Variants in HECTD2 observed in about 807,000 individuals in gnomAD.
The protein encoded by HECTD2 is HECT domain E3 ubiquitin protein ligase 2.
Under a neutral mutation model 103.2 loss-of-function variants are expected in HECTD2, and 35 were observed. The observed-to-expected ratio is 0.34, with a 90% CI of 0.26 to 0.45. HECTD2 has a LOEUF of 0.45. Among genes scored for constraint, HECTD2 ranks in the 20% least tolerant of loss-of-function variants. The pLI is 1.00. For synonymous variants in HECTD2, 281 were observed against 329.9 expected, an observed-to-expected ratio of 0.85 and a Z score of 1.61; for missense variants, 596 against 937.4, an observed-to-expected ratio of 0.64 and a Z score of 4.76.
At chr10:91,475,002 G>A (rs1002787072) in intron 5 of HECTD2, among the ~76,000 whole-genome samples, 4 of 152,164 alleles carry the variant, frequency 2.6e-5, no homozygotes, top group African/African-American at 9.7e-5. Flanking sequence ...TCAGAAATAA[G>A]GCTTGTGAGA....
intron 20 of HECTD2, among the ~76,000 whole-genome samples, chr10:91,502,216 T>C (rs1846929561): frequency 6.6e-6 from 1 of 152,168 alleles, no homozygotes; most frequent in Admixed American, 6.5e-5. Flanking sequence ...CCCCAGGCTA[T>C]CTACCAGTTT....
rs1842860644 is a variant in HECTD2, at chr10:91,410,354, C to G, written c.-85C>G. The G allele has an allele frequency of 2.3e-6, 2 of 880,644 alleles. No individual in the cohort carries two copies. Among genetic ancestry groups the G allele is most frequent in the Admixed American group, 4.8e-5 (1 of 20,714 alleles). The allele number at this position is 880,644 out of a possible 1,614,324, so 54.6% of individuals were successfully genotyped here. On this transcript the variant is annotated 5_prime_UTR_variant, in exon 1 of 21. Transcript: ENST00000298068. Reference sequence around the variant, plus strand: ...TAGAAGCGGCAGCCCAGAGCCCTCTCGCGGCCGCGGCGGCAGCAGCAGCGC... The same window carrying G: ...TAGAAGCGGCAGCCCAGAGCCCTCTGGCGGCCGCGGCGGCAGCAGCAGCGC...
chr10:91,496,321 A>T lies in HECTD2; in HGVS notation c.1629A>T (p.Ile543=). ...CCATCATTCCTAGTGATCAAAATAT[A>T]CCAGTAGGCATCTGCAATGTTACCG... The part of the protein sequence containing the change: ...SPPIIPSDQN[I]PVGICNVTVD... The change falls in exon 15 of 21, where the codon ATA becomes ATT. Residue 543 remains isoleucine (I), a synonymous_variant. Coordinates refer to ENST00000298068, the MANE Select transcript of HECTD2 (RefSeq NM_182765.6). The T allele has an allele frequency of 6.2e-7, 1 of 1,612,732 alleles. No homozygotes were observed. Among genetic ancestry groups the T allele is most frequent in the Non-Finnish European group, 8.5e-7 (1 of 1,178,872 alleles).
rs1845303677 is a variant in HECTD2 at position 91,460,579 on chromosome 10, A to G, written c.407+14A>G. The G allele has an allele frequency of 1.4e-5, 22 of 1,601,738 alleles. No individual in the cohort carries two copies. Among genetic ancestry groups the G allele is most frequent in the Non-Finnish European group, 1.9e-5 (22 of 1,175,514 alleles). The stretch of plus-strand genomic sequence containing the variant: ...GAAAGACTTTCAGTAAGTTTCAGCT[A>G]TTATATGTAAATGTATAGTCATCTG... On this transcript the variant is annotated intron_variant, in intron 3 of 20. Coordinates refer to ENST00000298068, the MANE Select transcript of HECTD2 (RefSeq NM_182765.6).
chr10:91,487,363 C>G lies in HECTD2; in HGVS notation c.1095-319C>G. Reference sequence around the variant, plus strand: ...TAACCAACACTTCTCCCTCCTGGTTCTGGTATTGGCCATGTTGTTCACAGG... The same window carrying G: ...TAACCAACACTTCTCCCTCCTGGTTGTGGTATTGGCCATGTTGTTCACAGG... On this transcript the variant is annotated intron_variant, in intron 10 of 20. Coordinates refer to ENST00000298068, the MANE Select transcript of HECTD2 (RefSeq NM_182765.6). This position sits in a 1 kb window ranked among gnomAD's most constrained non-coding sequence, Gnocchi z 4.1. The G allele has an allele frequency of 3.4e-6, 1 of 290,854 alleles. No individual in the cohort carries two copies. Among genetic ancestry groups the G allele is most frequent in the Non-Finnish European group, 6.7e-6 (1 of 148,222 alleles). 18.0% of individuals were successfully genotyped at this position (290,854 alleles called of 1,614,324 possible). A position where few individuals can be genotyped will look rare whatever the true frequency, so the allele number is the denominator to read the frequency against.
chr10:91,483,720 G>A (rs1421813237), intron 8 of HECTD2, among the ~76,000 whole-genome samples: 2 of 151,812 alleles, frequency 1.3e-5, no homozygotes, highest in Non-Finnish European at 2.9e-5. Flanking sequence ...TTGCTTCAAG[G>A]GGAAATACAG....
At position 91,513,184 on chromosome 10, in the gene HECTD2, T is replaced by C. The variant is rs1396730252; in HGVS notation, c.*800T>C. 1.3e-5 allele frequency: 2 copies of C among 152,652 alleles called. No homozygotes were observed. The highest frequency in any genetic ancestry group is 2.9e-5 in the Non-Finnish European group (2 of 68,028). 9.5% of individuals were successfully genotyped at this position (152,652 alleles called of 1,614,324 possible). A position where few individuals can be genotyped will look rare whatever the true frequency, so the allele number is the denominator to read the frequency against. On this transcript the variant is annotated 3_prime_UTR_variant, in exon 21 of 21. Transcript: ENST00000298068. ...CTCTGTAATATTTGTATAATGATCA[T>C]TTCTTCTTAAGGCTCAAGATATTAG... is the stretch of plus-strand genomic sequence containing the variant.
chr10:91,505,449 C>CA (rs1055768990), intron 20 of HECTD2, among the ~76,000 whole-genome samples: 12 of 151,122 alleles, frequency 7.9e-5, no homozygotes, highest in Admixed American at 1.3e-4. Context: ...AAATGGAAAA[C>CA]AAAAAAAGGC....
chr10:91,437,624 T>TC, intron 2 of HECTD2, among the ~76,000 whole-genome samples: 1 of 151,076 alleles, frequency 6.6e-6, no homozygotes, highest in Non-Finnish European at 1.5e-5. Flanking sequence ...TTGTTCTTTT[T>TC]TTTTTTTTTT....
rs151024853 is a variant in HECTD2, at chr10:91,419,447, A to G, written c.139-5834A>G. Among the ~76,000 whole-genome samples, 226 of 152,306 alleles carry G rather than the reference A, an allele frequency of 1.5e-3. 1 individual carries two copies. Among genetic ancestry groups the G allele is most frequent in the African/African-American group, 5.1e-3 (211 of 41,570 alleles). ...TTGTCTGTTTAAATATCTTGAGATT[A>G]TTTTATATTATAATCTTACATATAA... On this transcript the variant is annotated intron_variant, in intron 1 of 20. Coordinates refer to ENST00000298068, the MANE Select transcript of HECTD2 (RefSeq NM_182765.6).
chr10:91,438,722 C>T (rs949338194), intron 2 of HECTD2, among the ~76,000 whole-genome samples: 4 of 152,208 alleles, frequency 2.6e-5, no homozygotes, highest in African/African-American at 9.6e-5. Context: ...TGTTTCTCCA[C>T]ATCCTCTCCA....
chr10:91,417,913 T>C (rs1389415092), intron 1 of HECTD2, among the ~76,000 whole-genome samples: 4 of 152,226 alleles, frequency 2.6e-5, no homozygotes, highest in Non-Finnish European at 5.9e-5. Context: ...ATGGCATTTC[T>C]AGTTCTAGAT....
intron 2 of HECTD2, among the ~76,000 whole-genome samples, chr10:91,454,511 C>T (rs886760696): frequency 5.3e-5 from 8 of 151,762 alleles, no homozygotes; most frequent in African/African-American, 1.2e-4. Context: ...TGGGATACTG[C>T]TACAGCAGTG....
At chr10:91,472,998 A>G (rs573934680) in intron 5 of HECTD2, among the ~76,000 whole-genome samples, 1 of 152,214 alleles carries the variant, frequency 6.6e-6, no homozygotes, top group Non-Finnish European at 1.5e-5. Context: ...AGAGGTTAGA[A>G]TAAGAAAGAC....
intron 20 of HECTD2, among the ~76,000 whole-genome samples, chr10:91,506,129 T>G (rs1469064865): frequency 2.0e-5 from 3 of 150,372 alleles, no homozygotes; most frequent in African/African-American, 4.9e-5. Context: ...AAGCAGTGTG[T>G]AGAGGGAAAT....
chr10:91,497,126 A>ATTTT (rs56923120), intron 15 of HECTD2, among the ~76,000 whole-genome samples: 8 of 97,366 alleles, frequency 8.2e-5, no homozygotes, highest in Non-Finnish European at 1.5e-4. Flanking sequence ...TGCCCGGCAA[A>ATTTT]TTTTTTTTTT....
chr10:91,490,352 G>A (rs949411105), intron 11 of HECTD2, among the ~76,000 whole-genome samples: 2 of 151,790 alleles, frequency 1.3e-5, no homozygotes, highest in Admixed American at 1.3e-4. Context: ...GATAAACATT[G>A]TACTGTATAA....
Position 91,487,400 on chromosome 10 carries a change from A to G in HECTD2, c.1095-282A>G, listed in dbSNP as rs1224476953. On this transcript the variant is annotated intron_variant, in intron 10 of 20. Coordinates refer to ENST00000298068, the MANE Select transcript of HECTD2 (RefSeq NM_182765.6). The surrounding 1 kb of genome is among the most constrained non-coding windows in gnomAD (Gnocchi z 4.1). ...ATGTTGTTCACAGGTGATGATATAC[A>G]ATGAAATTATTTGTATAGACAATGT... The G allele has an allele frequency of 2.6e-6, 1 of 381,932 alleles. No individual in the cohort carries two copies. Among genetic ancestry groups the G allele is most frequent in the Non-Finnish European group, 5.0e-6 (1 of 200,972 alleles). The allele number at this position is 381,932 out of a possible 1,614,324, so 23.7% of individuals were successfully genotyped here. A position where few individuals can be genotyped will look rare whatever the true frequency, so the allele number is the denominator to read the frequency against.
intron 1 of HECTD2, among the ~76,000 whole-genome samples, chr10:91,418,431 T>G (rs1843217983): frequency 6.6e-6 from 1 of 152,148 alleles, no homozygotes; most frequent in Non-Finnish European, 1.5e-5. Context: ...TATGATCAAT[T>G]GCGTTGATTT....
Sources: allele counts gnomAD v4.1 joint callset (sites outside exome capture counted in the v4.1 genomes callset), GRCh38; gene constraint gnomAD v4.1.1; non-coding constraint Gnocchi (gnomAD v3.1); transcripts MANE v1.5; gene names NCBI Gene and HGNC (gene_info 2026-07-23, HGNC 2026-07-21).